The following SDK1 variants were observed in gnomAD, a reference collection of about 807,000 sequenced individuals.
The protein encoded by SDK1 is protein sidekick-1.
Under a neutral mutation model 245.5 loss-of-function variants are expected in SDK1, and 157 were observed. The observed-to-expected ratio is 0.64, with a 90% CI of 0.56 to 0.73. SDK1 has a LOEUF of 0.73. SDK1 is among the 30% of genes least tolerant of loss of function. The pLI is 0.00. For synonymous variants in SDK1, 1,647 were observed against 1,278.5 expected (o/e 1.29, Z -6.15); for missense variants, 3,583 against 3,002.3 (o/e 1.19, Z -4.52).
At chr7:4,053,782 G>C (rs1779030978) in intron 19 of SDK1, among the ~76,000 whole-genome samples, 1 of 152,166 alleles carries the variant, frequency 6.6e-6, no homozygotes, top group African/African-American at 2.4e-5. Flanking sequence ...TCACAAAAAA[G>C]ATGAAATGAA....
intron 1 of SDK1, among the ~76,000 whole-genome samples, chr7:3,496,203 C>T (rs951674412): frequency 6.6e-6 from 1 of 152,214 alleles, no homozygotes; most frequent in African/African-American, 2.4e-5. Context: ...GCAGTGGGAC[C>T]TGTCTCGTGG....
chr7:3,794,817 C>A (rs1387634183), intron 4 of SDK1, among the ~76,000 whole-genome samples: 3 of 152,200 alleles, frequency 2.0e-5, no homozygotes, highest in African/African-American at 7.2e-5. Flanking sequence ...ACATCATCCT[C>A]TTTCCTCCAT....
At chr7:3,516,028 A>C (rs1245478752) in intron 1 of SDK1, among the ~76,000 whole-genome samples, 2 of 151,954 alleles carry the variant, frequency 1.3e-5, no homozygotes, top group African/African-American at 2.4e-5. Context: ...ATGAGAGCTA[A>C]AGTGTTAAAT....
chr7:4,193,529 G>A (rs1783364777), intron 35 of SDK1, among the ~76,000 whole-genome samples: 1 of 151,612 alleles, frequency 6.6e-6, no homozygotes, highest in African/African-American at 2.4e-5. Context: ...CAAGCTCAGT[G>A]TCCCCAGCTT....
At chr7:3,544,743 T>C (rs938294785) in intron 1 of SDK1, among the ~76,000 whole-genome samples, 7 of 152,190 alleles carry the variant, frequency 4.6e-5, no homozygotes, top group African/African-American at 1.7e-4. Context: ...ATCTAGGTTA[T>C]GCTACAGCAC....
At chr7:3,937,071 G>A (rs921352472) in intron 5 of SDK1, among the ~76,000 whole-genome samples, 9 of 152,266 alleles carry the variant, frequency 5.9e-5, no homozygotes, top group East Asian at 1.9e-4. Context: ...AATACTGTCC[G>A]TGCAGTGGCG....
At chr7:3,354,047 C>A (rs1780729943) in intron 1 of SDK1, among the ~76,000 whole-genome samples, 2 of 150,508 alleles carry the variant, frequency 1.3e-5, no homozygotes, top group Non-Finnish European at 1.5e-5. Context: ...GGCTGGAGTG[C>A]AGTGGCGAGA....
At chr7:3,711,535 C>T (rs968022436) in intron 4 of SDK1, among the ~76,000 whole-genome samples, 10 of 152,142 alleles carry the variant, frequency 6.6e-5, no homozygotes, top group African/African-American at 2.2e-4. Context: ...AGGGAGGTGA[C>T]ATTTGCATAG....
At chr7:3,752,228 C>G (rs1256429682) in intron 4 of SDK1, among the ~76,000 whole-genome samples, 10 of 152,134 alleles carry the variant, frequency 6.6e-5, no homozygotes, top group South Asian at 2.1e-4. Flanking sequence ...GGACTGCAGT[C>G]TATGTAATGA....
In SDK1 at chr7:4,241,855, G is replaced by A. The variant is rs1487735906; in HGVS notation, c.6193G>A (p.Glu2065Lys). The part of the protein sequence containing the change: ...TLDNGGFAAL[E>K]LSSRHLNVKS... ...GGACAACGGAGGATTTGCTGCCCTGGAGCTCAGCAGCCGCCACCTCAATGT... is the reference window on the plus strand; with the variant it reads ...GGACAACGGAGGATTTGCTGCCCTGAAGCTCAGCAGCCGCCACCTCAATGT... Residue 2065 changes from glutamate (E) to lysine (K), a missense_variant, in exon 43 of 45, where the codon GAG (glutamate) becomes AAG (lysine). By Grantham distance (56) the Glu-to-Lys change is moderately conservative. Transcript: ENST00000404826. The A allele has an allele frequency of 6.2e-7, 1 of 1,614,104 alleles. No homozygotes were observed. Among genetic ancestry groups the A allele is most frequent in the Admixed American group, 1.7e-5 (1 of 60,024 alleles).
At chr7:3,683,276 C>T (rs1218229384) in intron 4 of SDK1, among the ~76,000 whole-genome samples, 1 of 152,156 alleles carries the variant, frequency 6.6e-6, no homozygotes, top group Non-Finnish European at 1.5e-5. Context: ...CCAGCACATA[C>T]TATGCACTTG....
At chr7:3,489,041 T>A (rs551286993) in intron 1 of SDK1, among the ~76,000 whole-genome samples, 2 of 152,096 alleles carry the variant, frequency 1.3e-5, no homozygotes, top group Non-Finnish European at 2.9e-5. Flanking sequence ...CCAGGGGTAG[T>A]AGAGTGCAAT....
At chr7:3,335,325 C>G (rs1031915195) in intron 1 of SDK1, among the ~76,000 whole-genome samples, 3 of 152,122 alleles carry the variant, frequency 2.0e-5, no homozygotes, top group African/African-American at 7.2e-5. Context: ...ATCCACCTGG[C>G]TTACCAAGTT....
At chr7:3,792,438 T>A (rs1781126236) in intron 4 of SDK1, among the ~76,000 whole-genome samples, 1 of 152,252 alleles carries the variant, frequency 6.6e-6, no homozygotes, top group Non-Finnish European at 1.5e-5. Context: ...GCACCGTGAC[T>A]TATATAACTT....
intron 22 of SDK1, among the ~76,000 whole-genome samples, chr7:4,110,206 G>A (rs1345175342): frequency 1.3e-5 from 2 of 152,182 alleles, no homozygotes; most frequent in African/African-American, 2.4e-5. Flanking sequence ...GGCAGAAAGG[G>A]TTGGGGTCGA....
chr7:3,967,506 T>G, intron 10 of SDK1, 72 bp downstream of exon 10: 1 of 889,640 alleles, frequency 1.1e-6, no homozygotes, highest in Non-Finnish European at 1.9e-6. Flanking sequence ...TGCTTGCTTC[T>G]TATTCACTCT....
chr7:3,661,399 C>A (rs1783350922), intron 4 of SDK1, among the ~76,000 whole-genome samples: 1 of 152,128 alleles, frequency 6.6e-6, no homozygotes, highest in African/African-American at 2.4e-5. Flanking sequence ...GGGACATTAA[C>A]AACCTGCCGT....
intron 5 of SDK1, among the ~76,000 whole-genome samples, chr7:3,890,579 T>A (rs534865671): frequency 5.3e-5 from 8 of 151,710 alleles, no homozygotes; most frequent in Admixed American, 3.9e-4. Context: ...AACACTTGAG[T>A]CTCTATGGGT....
chr7:3,426,631 C>G (rs1562479795), intron 1 of SDK1, among the ~76,000 whole-genome samples: 1 of 152,218 alleles, frequency 6.6e-6, no homozygotes, highest in African/African-American at 2.4e-5. Context: ...TTATCAACAT[C>G]TGTCTCCAGT....
Sources: allele counts gnomAD v4.1 joint callset (sites outside exome capture counted in the v4.1 genomes callset), GRCh38; gene constraint gnomAD v4.1.1; transcripts MANE v1.5; gene names NCBI Gene and HGNC (gene_info 2026-07-23, HGNC 2026-07-21).